The following CERS4 variants were observed in gnomAD, a reference collection of about 807,000 sequenced individuals.
CERS4 encodes LAG1 homolog, ceramide synthase 4.
Under a neutral mutation model 51.8 loss-of-function variants are expected in CERS4, and 65 were observed. The observed-to-expected ratio is 1.26, with a 90% CI of 1.03 to 1.54. CERS4 has a LOEUF of 1.54. Among genes scored for constraint, CERS4 ranks in the 40% most tolerant of loss-of-function variants. CERS4 has a pLI of 0.00. For synonymous variants in CERS4, 228 were observed against 208.4 expected (o/e 1.09, Z -0.81); for missense variants, 563 against 500.4 (o/e 1.13, Z -1.19).
At chr19:8,217,890 C>A (rs1967370801) in intron 2 of CERS4, among the ~76,000 whole-genome samples, 1 of 152,124 alleles carries the variant, frequency 6.6e-6, no homozygotes, top group African/African-American at 2.4e-5. Flanking sequence ...CCAGACTGGT[C>A]TCGAACTCCT....
rs1027251260 is a variant in CERS4 at position 8,245,936 on chromosome 19, G to A, written c.-1-5140G>A. On this transcript the variant is annotated intron_variant, in intron 2 of 11. Transcript: ENST00000251363. ...AAAAAAAAAAAAAAAAAGCTGGTGGGGGGCAGGGCAAGGTGGCTCATGCCT... is the reference window on the plus strand; with the variant it reads ...AAAAAAAAAAAAAAAAAGCTGGTGGAGGGCAGGGCAAGGTGGCTCATGCCT... Among the ~76,000 whole-genome samples, 273 of 150,182 alleles carry A rather than the reference G, an allele frequency of 1.8e-3. 2 individuals carry two copies. The highest frequency in any genetic ancestry group is 6.8e-3 in the Middle Eastern group (2 of 294).
intron 2 of CERS4, among the ~76,000 whole-genome samples, chr19:8,228,171 A>G (rs900533937): frequency 6.6e-6 from 1 of 151,888 alleles, no homozygotes. Flanking sequence ...GAGTCTCACG[A>G]TCCGTCCGCC....
At chr19:8,252,498 G>T (rs547221129) in intron 3 of CERS4, among the ~76,000 whole-genome samples, 1 of 150,302 alleles carries the variant, frequency 6.7e-6, no homozygotes, top group Non-Finnish European at 1.5e-5. Flanking sequence ...GAGTACAGTG[G>T]CACAATCTCA....
rs1555777253 is a variant in CERS4 at position 8,245,125 on chromosome 19, A to AACAAAAAAAAACAAAAAAAAACAAAC, written c.-1-5950_-1-5949insCAAAAAAAAACAAAAAAAAACAAACA. On this transcript the variant is annotated intron_variant, in intron 2 of 11. Transcript: ENST00000251363. ...AGACTCCATCTCAAAAAAAAAAAAA[A>AACAAAAAAAAACAAAAAAAAACAAAC]AAAAAAAAAACACTCTTGGCTTCAA... Among the ~76,000 whole-genome samples, 35 of 150,930 alleles carry AACAAAAAAAAACAAAAAAAAACAAAC rather than the reference A, an allele frequency of 2.3e-4. 1 individual carries two copies. In the South Asian group the frequency reaches 6.1e-3, roughly 26 times the overall value.
At position 8,225,746 on chromosome 19, in the gene CERS4, C is replaced by G. The variant is rs1967760683; in HGVS notation, c.-2+14884C>G. ...GCCGTGTTTTCTGATAATTCTGAGG[C>G]TACTGCTGATGAGCTGAGTGTCTCT... On this transcript the variant is annotated intron_variant, in intron 2 of 11. Transcript: ENST00000251363. Among the ~76,000 whole-genome samples the G allele has an allele frequency of 2.0e-5, 3 of 151,650 alleles. No homozygotes were observed. In the South Asian group the frequency reaches 6.3e-4, roughly 32 times the overall value.
intron 4 of CERS4, among the ~76,000 whole-genome samples, 195 bp downstream of exon 4, chr19:8,254,811 C>T (rs536027197): frequency 1.2e-3 from 187 of 152,090 alleles, no homozygotes; most frequent in African/African-American, 4.4e-3. Context: ...GAAACGACGC[C>T]CCACCCCTCC....
At chr19:8,228,152 G>A (rs1418132772) in intron 2 of CERS4, among the ~76,000 whole-genome samples, 2 of 152,022 alleles carry the variant, frequency 1.3e-5, no homozygotes. Flanking sequence ...GAGCTACTGT[G>A]CCCTGCCAGA....
chr19:8,238,906 C>T (rs1568517027), intron 2 of CERS4, among the ~76,000 whole-genome samples: 1 of 152,000 alleles, frequency 6.6e-6, no homozygotes, highest in Admixed American at 6.6e-5. Flanking sequence ...CAAGACCAGC[C>T]TGGGCAACAT....
intron 9 of CERS4, 184 bp downstream of exon 9, chr19:8,257,261 C>T: frequency 1.6e-6 from 1 of 635,634 alleles, no homozygotes; most frequent in East Asian, 3.1e-5. Flanking sequence ...CCCCCTCTGT[C>T]TTCCTGGGTG....
chr19:8,216,455 C>T (rs1348343931), intron 2 of CERS4, among the ~76,000 whole-genome samples: 2 of 151,576 alleles, frequency 1.3e-5, no homozygotes, highest in African/African-American at 2.4e-5. Flanking sequence ...TTTTTCTCTC[C>T]ACCTGACAAT....
chr19:8,251,030 C>T (rs368163494), intron 2 of CERS4, 46 bp from the exon 3 acceptor site: 3 of 1,532,094 alleles, frequency 2.0e-6, no homozygotes, highest in East Asian at 4.9e-5. Flanking sequence ...TTGCCCCACC[C>T]ATTCTGCTTG....
chr19:8,212,865 C>T (rs1401870851), intron 2 of CERS4, among the ~76,000 whole-genome samples: 1 of 151,604 alleles, frequency 6.6e-6, no homozygotes, highest in Non-Finnish European at 1.5e-5. Context: ...CCAGGCTGGT[C>T]TCGAACTCCT....
chr19:8,237,717 G>C (rs576395027), intron 2 of CERS4, among the ~76,000 whole-genome samples: 2 of 152,234 alleles, frequency 1.3e-5, no homozygotes, highest in South Asian at 4.1e-4. Flanking sequence ...CGGGCGTGGT[G>C]GTGGGCGCCT....
chr19:8,257,968 G>C lies in CERS4; in HGVS notation c.831G>C (p.Leu277=). Residue 277 remains leucine (L), a synonymous_variant, in exon 10 of 12, where the codon CTG becomes CTC. Transcript: ENST00000251363. ...IFSFVFFYTR[L]VLFPTQILYT... is the part of the protein sequence containing the mutation. ...CCTTTGTCTTCTTCTACACCCGACT[G>C]GTCCTCTTTCCCACCCAGTGAGTCA... is the stretch of plus-strand genomic sequence containing the variant. 1.9e-6 allele frequency: 3 copies of C among 1,613,860 alleles called. No individual in the cohort carries two copies. The highest frequency in any genetic ancestry group is 2.5e-6 in the Non-Finnish European group (3 of 1,179,916).
At chr19:8,228,879 C>T (rs1760484398) in intron 2 of CERS4, among the ~76,000 whole-genome samples, 1 of 151,056 alleles carries the variant, frequency 6.6e-6, no homozygotes, top group Non-Finnish European at 1.5e-5. Context: ...CAGAAATTAG[C>T]TGGGCATAGG....
At chr19:8,221,769 G>A (rs992738500) in intron 2 of CERS4, among the ~76,000 whole-genome samples, 1 of 149,864 alleles carries the variant, frequency 6.7e-6, no homozygotes, top group Admixed American at 6.7e-5. Context: ...CAAGTGATCC[G>A]CCCTCCTCAG....
At position 8,250,794 on chromosome 19, in the gene CERS4, G is replaced by A. The variant is rs556903076; in HGVS notation, c.-1-282G>A. On this transcript the variant is annotated intron_variant, in intron 2 of 11. Coordinates refer to ENST00000251363, the MANE Select transcript of CERS4 (RefSeq NM_024552.3). ...ACAGATGAACTTGAGGTTCAGAGAG[G>A]TCAAGTCATTTGCCTGAGGACACAC... is the stretch of plus-strand genomic sequence containing the variant. 66 of 1,167,660 alleles carry A rather than the reference G, an allele frequency of 5.7e-5. No homozygotes were observed. The East Asian group carries it at 1.2e-3, about 21-fold the overall frequency. The allele number at this position is 1,167,660 out of a possible 1,614,324, so 72.3% of individuals were successfully genotyped here.
At chr19:8,235,518 A>C (rs1054098742) in intron 2 of CERS4, among the ~76,000 whole-genome samples, 2 of 150,872 alleles carry the variant, frequency 1.3e-5, no homozygotes, top group Non-Finnish European at 3.0e-5. Context: ...AGGGAGGTGG[A>C]TCTCCTGAGG....
chr19:8,248,289 A>T (rs1968877906), intron 2 of CERS4, among the ~76,000 whole-genome samples: 1 of 152,156 alleles, frequency 6.6e-6, no homozygotes, highest in African/African-American at 2.4e-5. Flanking sequence ...AGTCAATTGG[A>T]GAATATCTCT....
Sources: gnomAD v4.1 joint callset for allele counts (sites outside exome capture counted in the v4.1 genomes callset) on GRCh38, gnomAD v4.1.1 for gene constraint, MANE v1.5 for transcripts, NCBI Gene and HGNC (gene_info 2026-07-23, HGNC 2026-07-21) for gene names.